The following URI1 variants were observed in gnomAD, a reference collection of about 807,000 sequenced individuals.
URI1 encodes unconventional prefoldin RPB5 interactor 1.
Under a neutral mutation model 60.2 loss-of-function variants are expected in URI1, and 39 were observed. The ratio of observed to expected loss-of-function variants is 0.65; its 90% CI spans 0.50 to 0.85. The LOEUF is 0.85. Among genes scored for constraint, URI1 ranks in the 40% least tolerant of loss-of-function variants. The probability of loss-of-function intolerance (pLI) is 0.00; values close to 1 mark genes in which losing one functional copy is unlikely to be tolerated. For missense variants in URI1, 691 were observed against 665.9 expected, an observed-to-expected ratio of 1.04 and a Z score of -0.42; for synonymous variants, 251 against 236.8, an observed-to-expected ratio of 1.06 and a Z score of -0.55.
intron 4 of URI1, among the ~76,000 whole-genome samples, chr19:30,000,095 A>G (rs566547058): frequency 3.6e-4 from 54 of 151,650 alleles, no homozygotes; most frequent in Middle Eastern, 3.4e-3. Flanking sequence ...CTATTGTTGT[A>G]TCACAATTTT....
intron 1 of URI1, chr19:29,957,946 T>C (rs1354340793): frequency 1.3e-5 from 2 of 151,944 alleles, no homozygotes; most frequent in African/African-American, 4.8e-5. Flanking sequence ...TTGACTTTGT[T>C]CTAAAATTTT....
intron 1 of URI1, among the ~76,000 whole-genome samples, chr19:29,946,596 T>C (rs770343917): frequency 2.0e-5 from 3 of 152,242 alleles, no homozygotes; most frequent in Non-Finnish European, 2.9e-5. Context: ...CTTCCTGATA[T>C]AGATCCTTGG....
intron 10 of URI1, among the ~76,000 whole-genome samples, chr19:30,013,252 C>T (rs1052417492): frequency 3.3e-5 from 5 of 152,242 alleles, no homozygotes; most frequent in East Asian, 3.9e-4. Context: ...TGGATCAAAC[C>T]AGTGTACACA....
chr19:29,944,650 G>C (rs1417286789), intron 1 of URI1, among the ~76,000 whole-genome samples: 1 of 152,110 alleles, frequency 6.6e-6, no homozygotes, highest in Non-Finnish European at 1.5e-5. Context: ...GACATTGACT[G>C]TGCTACCAAA....
chr19:29,950,377 C>A (rs754346321), intron 1 of URI1, among the ~76,000 whole-genome samples: 4 of 151,566 alleles, frequency 2.6e-5, no homozygotes, highest in Non-Finnish European at 5.9e-5. Context: ...GTATCACTTG[C>A]CCTTATCTCC....
rs936787751 is a variant in URI1 at position 30,009,463 on chromosome 19, G to C, written c.1035+110G>C. On this transcript the variant is annotated intron_variant, in intron 8 of 10. Transcript: ENST00000392271. Reference sequence around the variant, plus strand: ...ATCATTATCATTGTGGATAGTGCCAGACAGGAAAATCATCTTTTGCCTCTT... The same window carrying C: ...ATCATTATCATTGTGGATAGTGCCACACAGGAAAATCATCTTTTGCCTCTT... 3.7e-6 allele frequency: 4 copies of C among 1,089,000 alleles called. No homozygotes were observed. In the African/African-American group the frequency reaches 6.4e-5, roughly 17 times the overall value. 67.5% of individuals were successfully genotyped at this position (1,089,000 alleles called of 1,614,324 possible).
chr19:29,975,714 C>T (rs1319210931), intron 2 of URI1, among the ~76,000 whole-genome samples: 6 of 152,124 alleles, frequency 3.9e-5, no homozygotes, highest in Admixed American at 1.3e-4. Context: ...CCGTGTTGCC[C>T]AGGCTGGTCT....
At chr19:29,927,114 C>T (rs547632530) in intron 1 of URI1, among the ~76,000 whole-genome samples, 1 of 152,232 alleles carries the variant, frequency 6.6e-6, no homozygotes, top group South Asian at 2.1e-4. Context: ...CCCAGGTGAG[C>T]AGTGATGGTG....
intron 7 of URI1, among the ~76,000 whole-genome samples, chr19:30,008,401 C>T (rs2055971481): frequency 1.3e-5 from 2 of 151,872 alleles, no homozygotes; most frequent in African/African-American, 4.8e-5. Flanking sequence ...AGTTTTGGAT[C>T]TTGTGATTTT....
chr19:29,977,373 G>C (rs1357699249), intron 2 of URI1, among the ~76,000 whole-genome samples: 7 of 151,694 alleles, frequency 4.6e-5, no homozygotes, highest in African/African-American at 1.2e-4. Flanking sequence ...ATTTTATTAT[G>C]TATAATATGT....
chr19:29,947,043 C>T (rs1352176840), intron 1 of URI1, among the ~76,000 whole-genome samples: 1 of 152,118 alleles, frequency 6.6e-6, no homozygotes, highest in Non-Finnish European at 1.5e-5. Context: ...GAGAGGGCTT[C>T]TCTGTTAGGT....
intron 1 of URI1, among the ~76,000 whole-genome samples, chr19:29,934,972 T>C (rs1421757612): frequency 6.6e-6 from 1 of 152,218 alleles, no homozygotes; most frequent in African/African-American, 2.4e-5. Context: ...TATCAATCTC[T>C]GCCCTTTAAT....
intron 2 of URI1, among the ~76,000 whole-genome samples, chr19:29,977,627 T>G (rs1430938675): frequency 2.0e-5 from 3 of 149,950 alleles, no homozygotes; most frequent in African/African-American, 7.4e-5. Context: ...ATTTTGCATG[T>G]TTTTGTTGTT....
At chr19:29,949,024 C>G (rs1344940369) in intron 1 of URI1, among the ~76,000 whole-genome samples, 1 of 142,430 alleles carries the variant, frequency 7.0e-6, no homozygotes, top group East Asian at 2.1e-4. Context: ...CCGCCTCCCT[C>G]CCGGACGGGG....
At chr19:29,995,432 GT>G (rs2145406316) in intron 4 of URI1, among the ~76,000 whole-genome samples, 1 of 151,094 alleles carries the variant, frequency 6.6e-6, no homozygotes, top group Admixed American at 6.6e-5. Context: ...TGTTTTTCTT[GT>G]TCAGTTGTAG....
Position 30,007,596 on chromosome 19 carries a change from A to G in URI1, c.644A>G (p.Glu215Gly), listed in dbSNP as rs767732282. Residue 215 changes from glutamate (E) to glycine (G), a missense_variant, in exon 7 of 11, where the codon GAA becomes GGA. By Grantham distance (98) the Glu-to-Gly change is moderately conservative. Transcript: ENST00000392271. ...GATAAAGAACTGTGGGCTCGACTTG[A>G]AGAACTAGAGAGACAGGAAGAATTG... ...LADKELWARL[E>G]ELERQEELLG... 1 of 1,613,004 alleles carries G rather than the reference A, an allele frequency of 6.2e-7. No individual in the cohort carries two copies. Among genetic ancestry groups the G allele is most frequent in the South Asian group, 1.1e-5 (1 of 90,984 alleles).
chr19:29,998,443 A>G (rs1020416712), intron 4 of URI1, among the ~76,000 whole-genome samples: 2 of 152,154 alleles, frequency 1.3e-5, no homozygotes, highest in African/African-American at 4.8e-5. Context: ...TATTATGGTG[A>G]AATAATTTCT....
chr19:29,928,213 C>A (rs1165345899), intron 1 of URI1, among the ~76,000 whole-genome samples: 1 of 152,102 alleles, frequency 6.6e-6, no homozygotes, highest in Non-Finnish European at 1.5e-5. Context: ...GTGATTTTTG[C>A]CACTGAGTTT....
chr19:29,957,011 A>G (rs1264852145), intron 1 of URI1: 1 of 688,604 alleles, frequency 1.5e-6, no homozygotes, highest in Non-Finnish European at 2.5e-6. Flanking sequence ...CGCAGCAAAA[A>G]AAAGTGGCCC....
Sources: gnomAD v4.1 joint callset for allele counts (sites outside exome capture counted in the v4.1 genomes callset) on GRCh38, gnomAD v4.1.1 for gene constraint, MANE v1.5 for transcripts, NCBI Gene and HGNC (gene_info 2026-07-23, HGNC 2026-07-21) for gene names.